The following CCDC12 variants were observed in gnomAD, a reference collection of about 807,000 sequenced individuals.
CCDC12 encodes the protein coiled-coil domain containing 12.
CCDC12 carries 28 observed loss-of-function variants against 25.7 expected under a neutral mutation model. The ratio of observed to expected loss-of-function variants is 1.09; its 90% CI spans 0.81 to 1.50. The LOEUF (loss-of-function observed/expected upper bound fraction) is 1.50. Ranked by LOEUF, CCDC12 falls within the 40% of genes most tolerant of loss-of-function variation. CCDC12 has a pLI of 0.00. For synonymous variants in CCDC12, 75 were observed against 87.7 expected (o/e 0.86, Z 0.81); for missense variants, 198 against 210.0 (o/e 0.94, Z 0.35).
chr3:46,935,081 T>C (rs2107124088), intron 2 of CCDC12, among the ~76,000 whole-genome samples: 1 of 152,294 alleles, frequency 6.6e-6, no homozygotes, highest in African/African-American at 2.4e-5. Flanking sequence ...GGGAAGTCTC[T>C]CCACAAGAGG....
chr3:46,949,683 C>T (rs975043681), intron 1 of CCDC12, among the ~76,000 whole-genome samples: 2 of 152,158 alleles, frequency 1.3e-5, no homozygotes, highest in African/African-American at 4.8e-5. Context: ...TTATACAAGG[C>T]AACTTGGGTC....
Position 46,923,651 on chromosome 3 carries a change from C to G in CCDC12, c.262G>C (p.Glu88Gln). The change falls in exon 4 of 7, where the codon GAG becomes CAG. Residue 88 changes from glutamate to glutamine, a missense_variant. Glu to Gln is a conservative substitution (Grantham distance 29). Coordinates refer to ENST00000683445, the MANE Select transcript of CCDC12 (RefSeq NM_001277074.2). The stretch of plus-strand genomic sequence containing the variant: ...TCGGGCTTGGCGGCCTCCAGCTGCT[C>G]CTTCACCTTCTCCTCCACTAGAGGG... ...KPVAVEEKVK[E>Q]QLEAAKPEPV... The G allele has an allele frequency of 1.3e-6, 2 of 1,569,212 alleles. No homozygotes were observed. Among genetic ancestry groups the G allele is most frequent in the South Asian group, 2.4e-5 (2 of 83,400 alleles).
At chr3:46,970,391 C>T (rs2034769188) in intron 1 of CCDC12, among the ~76,000 whole-genome samples, 1 of 152,134 alleles carries the variant, frequency 6.6e-6, no homozygotes, top group African/African-American at 2.4e-5. Flanking sequence ...AGATTGGACA[C>T]CCCTGGATAA....
chr3:46,934,659 C>T (rs1179782608), intron 2 of CCDC12, among the ~76,000 whole-genome samples: 1 of 152,194 alleles, frequency 6.6e-6, no homozygotes, highest in Non-Finnish European at 1.5e-5. Context: ...CATGGTGAGT[C>T]GGCTTCACCA....
At chr3:46,951,009 G>A (rs2034096024) in intron 1 of CCDC12, among the ~76,000 whole-genome samples, 2 of 152,110 alleles carry the variant, frequency 1.3e-5, no homozygotes, top group Admixed American at 6.5e-5. Flanking sequence ...GGGAGGCCGA[G>A]GCGGGTCCCA....
intron 1 of CCDC12, among the ~76,000 whole-genome samples, chr3:46,963,647 C>CG (rs1344595810): frequency 3.9e-4 from 59 of 151,952 alleles, no homozygotes; most frequent in African/African-American, 1.1e-3. Flanking sequence ...TGGTGGAGAC[C>CG]GGGTTTCGCT....
chr3:46,976,231 G>C, intron 1 of CCDC12: 1 of 817,850 alleles, frequency 1.2e-6, no homozygotes, highest in Non-Finnish European at 1.5e-6. Context: ...TGCCGGACTG[G>C]GGAGTCTGTC....
intron 1 of CCDC12, among the ~76,000 whole-genome samples, chr3:46,943,103 G>A (rs2033774561): frequency 6.6e-6 from 1 of 152,180 alleles, no homozygotes; most frequent in African/African-American, 2.4e-5. Flanking sequence ...TGCTGGGGAA[G>A]GCAGGCCCTG....
At chr3:46,928,896 G>A (rs1456549419) in intron 2 of CCDC12, among the ~76,000 whole-genome samples, 3 of 152,094 alleles carry the variant, frequency 2.0e-5, no homozygotes, top group Non-Finnish European at 2.9e-5. Flanking sequence ...GGAGGCTAAG[G>A]CAAGAGGATT....
intron 5 of CCDC12, chr3:46,922,956 A>G: frequency 5.0e-6 from 1 of 198,802 alleles, no homozygotes; most frequent in Non-Finnish European, 1.0e-5. Flanking sequence ...CCAGGGCCAG[A>G]GGGAACAAGC....
intron 1 of CCDC12, among the ~76,000 whole-genome samples, chr3:46,963,603 G>A (rs1471096540): frequency 2.6e-5 from 4 of 152,220 alleles, no homozygotes; most frequent in South Asian, 2.1e-4. Flanking sequence ...TCGCAGGCGC[G>A]CGCCGCCACA....
At chr3:46,948,515 T>C (rs968574018) in intron 1 of CCDC12, among the ~76,000 whole-genome samples, 4 of 152,230 alleles carry the variant, frequency 2.6e-5, no homozygotes, top group Admixed American at 6.5e-5. Context: ...GGAAGGCGCC[T>C]TTGACAAAAA....
chr3:46,968,990 T>C (rs1427225336), intron 1 of CCDC12, among the ~76,000 whole-genome samples: 1 of 152,172 alleles, frequency 6.6e-6, no homozygotes, highest in African/African-American at 2.4e-5. Flanking sequence ...CCAAAAGCTG[T>C]CAATACAGGC....
At chr3:46,976,845 T>G, upstream of CCDC12, 1 of 1,498,678 alleles carries the variant, frequency 6.7e-7, no homozygotes, top group Non-Finnish European at 8.9e-7. Context: ...TGGGAGGTCC[T>G]GAAAGCCAAT....
intron 1 of CCDC12, among the ~76,000 whole-genome samples, chr3:46,957,607 C>T (rs984730704): frequency 2.6e-5 from 4 of 152,126 alleles, no homozygotes; most frequent in African/African-American, 7.2e-5. Context: ...TAACGCAGGC[C>T]TCCGTTACGT....
chr3:46,967,433 T>C (rs1308963024), intron 1 of CCDC12, among the ~76,000 whole-genome samples: 1 of 152,106 alleles, frequency 6.6e-6, no homozygotes, highest in Non-Finnish European at 1.5e-5. Flanking sequence ...TACCTCCCAC[T>C]GTTCACTCTA....
At chr3:46,929,336 G>T (rs927777238) in intron 2 of CCDC12, among the ~76,000 whole-genome samples, 2 of 152,208 alleles carry the variant, frequency 1.3e-5, no homozygotes, top group Non-Finnish European at 2.9e-5. Context: ...GGAAAGTCAA[G>T]AAACAAATAG....
chr3:46,964,699 A>G (rs938291872), intron 1 of CCDC12, among the ~76,000 whole-genome samples: 13 of 152,176 alleles, frequency 8.5e-5, no homozygotes, highest in Non-Finnish European at 1.8e-4. Context: ...ACTCAGGGTT[A>G]AATGGATTAA....
At chr3:46,943,386 C>T (rs1172014840) in intron 1 of CCDC12, among the ~76,000 whole-genome samples, 1 of 152,206 alleles carries the variant, frequency 6.6e-6, no homozygotes, top group African/African-American at 2.4e-5. Flanking sequence ...CAGTGCCTAC[C>T]TCAGGGGAAG....
Sources: allele counts gnomAD v4.1 joint callset (sites outside exome capture counted in the v4.1 genomes callset), GRCh38; gene constraint gnomAD v4.1.1; transcripts MANE v1.5; gene names NCBI Gene and HGNC (gene_info 2026-07-23, HGNC 2026-07-21).